CYYR1: variants seen among roughly 807,000 people sequenced by gnomAD.
CYYR1 encodes cysteine and tyrosine-rich protein 1.
Under a neutral mutation model 15.2 loss-of-function variants are expected in CYYR1, and 14 were observed. That is an observed-to-expected ratio of 0.92 (90% confidence interval 0.61 to 1.44). CYYR1 has a LOEUF of 1.44. Ranked by LOEUF, CYYR1 falls within the 40% of genes most tolerant of loss-of-function variation. The pLI is 0.00. For synonymous variants in CYYR1, 80 were observed against 77.4 expected (o/e 1.03, Z -0.18); for missense variants, 228 against 209.5 (o/e 1.09, Z -0.54).
chr21:26,536,847 C>A (rs1465130125), intron 2 of CYYR1, among the ~76,000 whole-genome samples: 2 of 152,258 alleles, frequency 1.3e-5, no homozygotes, highest in East Asian at 3.9e-4. Context: ...TAGACTTATT[C>A]TCAGCTTTCT....
chr21:26,566,188 TA>T, intron 2 of CYYR1, 77 bp downstream of exon 2: 1 of 1,046,068 alleles, frequency 9.6e-7, no homozygotes, highest in Non-Finnish European at 1.5e-6. Context: ...AACTATCACT[TA>T]GTACTTTTAA....
chr21:26,570,781 A>G (rs1980960200), intron 1 of CYYR1, among the ~76,000 whole-genome samples: 1 of 152,162 alleles, frequency 6.6e-6, no homozygotes, highest in African/African-American at 2.4e-5. Context: ...CCTTACTTCT[A>G]GCCATACCTC....
At chr21:26,557,458 G>A (rs1257675403) in intron 2 of CYYR1, among the ~76,000 whole-genome samples, 2 of 152,164 alleles carry the variant, frequency 1.3e-5, no homozygotes, top group Middle Eastern at 3.4e-3. Flanking sequence ...AACATAAAAC[G>A]CAACAAGCAA....
At chr21:26,480,153 G>A (rs1376896262) in intron 3 of CYYR1, 119 bp downstream of exon 3, 4 of 1,037,430 alleles carry the variant, frequency 3.9e-6, no homozygotes, top group Non-Finnish European at 5.5e-6. Flanking sequence ...CATGTACCTA[G>A]AAATACTCTA....
At chr21:26,565,134 A>G (rs1463204046) in intron 2 of CYYR1, among the ~76,000 whole-genome samples, 2 of 152,182 alleles carry the variant, frequency 1.3e-5, no homozygotes, top group Non-Finnish European at 1.5e-5. Flanking sequence ...CACATCTATT[A>G]TAGTGTTCAA....
intron 2 of CYYR1, among the ~76,000 whole-genome samples, chr21:26,549,401 T>C (rs955716184): frequency 2.6e-5 from 4 of 152,230 alleles, no homozygotes; most frequent in African/African-American, 9.6e-5. Context: ...TTCATTTTAA[T>C]ATTGTACTCT....
intron 1 of CYYR1, chr21:26,568,015 G>A (rs1980760396): frequency 6.6e-6 from 1 of 152,246 alleles, no homozygotes; most frequent in East Asian, 1.9e-4. Context: ...GAATGAAAGC[G>A]AAAAATAATT....
chr21:26,566,420 C>T (rs1166881064), intron 1 of CYYR1, 52 bp from the exon 2 acceptor site: 2 of 1,400,138 alleles, frequency 1.4e-6, no homozygotes, highest in Non-Finnish European at 2.0e-6. Context: ...ATCACAGTTT[C>T]AAGAAAAATT....
chr21:26,544,925 C>T (rs1398426212), intron 2 of CYYR1, among the ~76,000 whole-genome samples: 1 of 151,560 alleles, frequency 6.6e-6, no homozygotes, highest in East Asian at 1.9e-4. Flanking sequence ...CCAGCCTGGG[C>T]AACAGAGTGA....
At chr21:26,488,640 A>G (rs1329870244) in intron 2 of CYYR1, among the ~76,000 whole-genome samples, 4 of 152,112 alleles carry the variant, frequency 2.6e-5, no homozygotes, top group African/African-American at 4.8e-5. Flanking sequence ...AAGTTGTAAT[A>G]AAATATTTTG....
At chr21:26,492,132 C>A (rs1442436498) in intron 2 of CYYR1, among the ~76,000 whole-genome samples, 1 of 152,194 alleles carries the variant, frequency 6.6e-6, no homozygotes, top group South Asian at 2.1e-4. Context: ...TCACAAGCAA[C>A]CTATTTTCAT....
At chr21:26,506,932 A>G (rs578205666) in intron 2 of CYYR1, among the ~76,000 whole-genome samples, 10 of 152,254 alleles carry the variant, frequency 6.6e-5, no homozygotes, top group African/African-American at 2.4e-4. Flanking sequence ...AATCCATAAT[A>G]TCATCCTTTT....
intron 2 of CYYR1, chr21:26,482,541 T>C: frequency 1.0e-6 from 1 of 983,050 alleles, no homozygotes; most frequent in South Asian, 4.7e-5. Flanking sequence ...TTGCTAATTC[T>C]TGGTGAACTG....
At chr21:26,520,117 T>TATATATATATATATATAG (rs2123556780) in intron 2 of CYYR1, among the ~76,000 whole-genome samples, 1 of 57,282 alleles carries the variant, frequency 1.7e-5, no homozygotes, top group Admixed American at 1.6e-4. Flanking sequence ...CCAGGAGATA[T>TATATATATATATATATAG]ATATATATAT....
chr21:26,489,156 T>C (rs2065292548), intron 2 of CYYR1, among the ~76,000 whole-genome samples: 1 of 152,186 alleles, frequency 6.6e-6, no homozygotes, highest in Non-Finnish European at 1.5e-5. Context: ...TTTCATTAAT[T>C]GGGATTGTTC....
chr21:26,494,502 A>G (rs2065367307), intron 2 of CYYR1, among the ~76,000 whole-genome samples: 1 of 152,204 alleles, frequency 6.6e-6, no homozygotes, highest in South Asian at 2.1e-4. Flanking sequence ...AACTGCATGT[A>G]CTCATTCATA....
intron 2 of CYYR1, among the ~76,000 whole-genome samples, chr21:26,514,769 T>C (rs222923): frequency 0.013 from 2,050 of 152,326 alleles, 33 homozygotes; most frequent in South Asian, 0.087. Context: ...TCTCACTTAA[T>C]GTGCACAGTA....
At chr21:26,524,305 T>A (rs1407988305) in intron 2 of CYYR1, among the ~76,000 whole-genome samples, 1 of 152,234 alleles carries the variant, frequency 6.6e-6, no homozygotes, top group Non-Finnish European at 1.5e-5. Flanking sequence ...GTGCTTACTC[T>A]CATCTTAAAT....
At position 26,482,303 on chromosome 21, in the gene CYYR1, TC is replaced by T. The variant is rs1233321209; in HGVS notation, c.177-1875del. The T allele has an allele frequency of 6.1e-6, 6 of 980,760 alleles. No homozygotes were observed. The African/African-American group carries it at 1.0e-4, about 17-fold the overall frequency. The allele number at this position is 980,760 out of a possible 1,614,324, so 60.8% of individuals were successfully genotyped here. A position where few individuals can be genotyped will look rare whatever the true frequency, so the allele number is the denominator to read the frequency against. ...AACAATTTCCATGAATTTTTATTTT[TC>T]CATATACATATTGATATCTGCTCCT... is the stretch of plus-strand genomic sequence containing the variant. On this transcript the variant is annotated intron_variant, in intron 2 of 3. Coordinates refer to ENST00000652641, the MANE Select transcript of CYYR1 (RefSeq NM_001320768.2).
Sources: gnomAD v4.1 joint callset for allele counts (sites outside exome capture counted in the v4.1 genomes callset) on GRCh38, gnomAD v4.1.1 for gene constraint, MANE v1.5 for transcripts, NCBI Gene and HGNC (gene_info 2026-07-23, HGNC 2026-07-21) for gene names.